EFR3A: variants seen among roughly 807,000 people sequenced by gnomAD.
EFR3A encodes protein EFR3 homolog A.
A neutral mutation model predicts 104.4 loss-of-function variants in EFR3A; 76 were observed. That is an observed-to-expected ratio of 0.73 (90% confidence interval 0.60 to 0.88). The LOEUF is 0.88. Ranked by LOEUF, EFR3A falls within the 40% of genes least tolerant of loss-of-function variation. The pLI is 0.00. For missense variants in EFR3A, 985 were observed against 1,012.5 expected (o/e 0.97, Z 0.37); for synonymous variants, 330 against 330.0 (o/e 1.00, Z 0.00).
At position 131,965,471 on chromosome 8, in the gene EFR3A, C is replaced by T. The variant is rs1563671591; in HGVS notation, c.856-2824C>T. 2.6e-5 allele frequency among the ~76,000 whole-genome samples: 4 copies of T among 152,330 alleles called. No individual in the cohort carries two copies. In the Middle Eastern group the frequency reaches 0.01, roughly 389 times the overall value. ...AGACACATGAGATAATGCTCATCAT[C>T]ACTGGCCATCAGATAAATGCAAATC... On this transcript the variant is annotated intron_variant, in intron 8 of 22. Transcript: ENST00000254624.
At chr8:131,905,249 C>G (rs1816192765) in intron 1 of EFR3A, among the ~76,000 whole-genome samples, 1 of 152,208 alleles carries the variant, frequency 6.6e-6, no homozygotes, top group Non-Finnish European at 1.5e-5. Context: ...AATCTTTACA[C>G]ACTTGTGAAT....
chr8:131,930,271 C>T (rs1391595567), intron 1 of EFR3A, among the ~76,000 whole-genome samples: 1 of 152,014 alleles, frequency 6.6e-6, no homozygotes, highest in Admixed American at 6.6e-5. Context: ...CTACTAGGTT[C>T]CTTTTTTCCA....
chr8:131,999,567 A>T (rs78082358), intron 19 of EFR3A, among the ~76,000 whole-genome samples: 5,483 of 137,124 alleles, frequency 0.04, 192 homozygotes, highest in African/African-American at 0.1. Context: ...CTCCAACATA[A>T]CCAGTTTTCC....
chr8:132,004,234 T>A (rs1165032601), intron 22 of EFR3A, among the ~76,000 whole-genome samples: 1 of 152,214 alleles, frequency 6.6e-6, no homozygotes, highest in Non-Finnish European at 1.5e-5. Flanking sequence ...ATATTCAATA[T>A]GTGCTAGACA....
intron 22 of EFR3A, among the ~76,000 whole-genome samples, chr8:132,006,930 A>C (rs1822082580): frequency 6.6e-6 from 1 of 151,956 alleles, no homozygotes; most frequent in Admixed American, 6.6e-5. Context: ...CACCAGTAGG[A>C]AAAAAAGCAT....
rs200821953 is a variant in EFR3A at position 132,010,405 on chromosome 8, G to GATATATATATATAT, written c.2361-384_2361-383insTATATATATATATA. On this transcript the variant is annotated intron_variant, in intron 22 of 22. Coordinates refer to ENST00000254624, the MANE Select transcript of EFR3A (RefSeq NM_015137.6). ...TTGTTCTCTGGATTAAATCAAGTAT[G>GATATATATATATAT]AGATATATATATATATATATATATA... 8.5e-4 allele frequency among the ~76,000 whole-genome samples: 75 copies of GATATATATATATAT among 87,976 alleles called. 3 individuals carry two copies. The highest frequency in any genetic ancestry group is 6.8e-3 in the Middle Eastern group (1 of 148). The allele number at this position is 87,976 out of a possible 152,430, so 57.7% of individuals were successfully genotyped here. A position where few individuals can be genotyped will look rare whatever the true frequency, so the allele number is the denominator to read the frequency against.
intron 15 of EFR3A, 29 bp from the exon 16 acceptor site, chr8:131,984,900 C>T (rs1343154837): frequency 2.5e-6 from 4 of 1,586,910 alleles, no homozygotes; most frequent in Non-Finnish European, 3.4e-6. Flanking sequence ...AGAACTTGAT[C>T]TCTCTGATGT....
chr8:131,929,105 A>G (rs763647001), intron 1 of EFR3A, among the ~76,000 whole-genome samples: 9 of 152,126 alleles, frequency 5.9e-5, no homozygotes, highest in Non-Finnish European at 1.2e-4. Flanking sequence ...CTGCTACAGG[A>G]TATCCCACCT....
rs1024403166 is a variant in EFR3A at position 131,979,071 on chromosome 8, A to G, written c.1499+52A>G. Reference sequence around the variant, plus strand: ...AATGATAATGTTTTTAAATTGCTAAATTAGTGTATTTAAGTATTGTGATTT... The same window carrying G: ...AATGATAATGTTTTTAAATTGCTAAGTTAGTGTATTTAAGTATTGTGATTT... On this transcript the variant is annotated intron_variant, in intron 13 of 22. Transcript: ENST00000254624. The G allele has an allele frequency of 8.0e-6, 12 of 1,501,662 alleles. No individual in the cohort carries two copies. The African/African-American group carries it at 1.7e-4, about 21-fold the overall frequency. The allele number at this position is 1,501,662 out of a possible 1,614,324, so 93.0% of individuals were successfully genotyped here. A position where few individuals can be genotyped will look rare whatever the true frequency, so the allele number is the denominator to read the frequency against.
intron 1 of EFR3A, among the ~76,000 whole-genome samples, chr8:131,927,557 C>T (rs938812079): frequency 3.3e-5 from 5 of 149,304 alleles, no homozygotes; most frequent in African/African-American, 1.2e-4. Flanking sequence ...TGATTTTAGA[C>T]ACGGAAGTGA....
Position 131,987,660 on chromosome 8 carries a change from A to G in EFR3A, c.2023A>G (p.Ser675Gly), listed in dbSNP as rs138240878. The G allele has an allele frequency of 1.5e-4, 237 of 1,596,990 alleles. No individual in the cohort carries two copies. In the African/African-American group the frequency reaches 3.0e-3, roughly 20 times the overall value. ...AGAGTCGCTAGGTGGAAGTGGATAT[A>G]GTGTTGAGAGATTGTCAGTTCCGTA... ...IAESLGGSGY[S>G]VERLSVPYVP... Residue 675 changes from serine (S) to glycine (G), a missense_variant, in exon 18 of 23, where the codon AGT (serine) becomes GGT (glycine). Physicochemically the swap from Ser to Gly is moderately conservative, Grantham distance 56. Coordinates refer to ENST00000254624, the MANE Select transcript of EFR3A (RefSeq NM_015137.6).
At chr8:131,963,448 C>T (rs963903883) in intron 8 of EFR3A, among the ~76,000 whole-genome samples, 1 of 152,096 alleles carries the variant, frequency 6.6e-6, no homozygotes, top group Non-Finnish European at 1.5e-5. Flanking sequence ...AACACCTCTA[C>T]ACAAATAAAC....
intron 10 of EFR3A, among the ~76,000 whole-genome samples, chr8:131,975,381 C>T (rs1820273039): frequency 6.6e-6 from 1 of 150,932 alleles, no homozygotes; most frequent in South Asian, 2.1e-4. Context: ...AGAAATACTA[C>T]CAAAATATTT....
chr8:131,942,652 A>G (rs1586575726), intron 2 of EFR3A, among the ~76,000 whole-genome samples: 1 of 152,272 alleles, frequency 6.6e-6, no homozygotes, highest in African/African-American at 2.4e-5. Flanking sequence ...TAATGAATGA[A>G]AAGATAATCT....
intron 2 of EFR3A, among the ~76,000 whole-genome samples, chr8:131,940,988 TA>T (rs534837945): frequency 1.4e-4 from 21 of 149,266 alleles, no homozygotes; most frequent in South Asian, 2.1e-4. Context: ...CAGTTTCTTG[TA>T]AAAAAAAAAT....
chr8:132,003,940 T>G (rs1821911469), intron 22 of EFR3A, among the ~76,000 whole-genome samples: 1 of 152,194 alleles, frequency 6.6e-6, no homozygotes, highest in Non-Finnish European at 1.5e-5. Flanking sequence ...AGTAGAGATG[T>G]CTATGCTTCT....
At chr8:131,934,664 G>T (rs1358045136) in intron 1 of EFR3A, among the ~76,000 whole-genome samples, 1 of 151,838 alleles carries the variant, frequency 6.6e-6, no homozygotes, top group Non-Finnish European at 1.5e-5. Flanking sequence ...TAAAAATACA[G>T]AATTATATAT....
At chr8:131,979,449 T>G in intron 14 of EFR3A, 28 bp downstream of exon 14, 1 of 1,436,502 alleles carries the variant, frequency 7.0e-7, no homozygotes, top group African/African-American at 1.4e-5. Context: ...AAAATAAATG[T>G]GTAGTGTAAA....
In EFR3A at chr8:131,930,771, C is replaced by T. The variant is rs546976303; in HGVS notation, c.11-9728C>T. ...CAGTGATAGGTCTTTATCACATCAG[C>T]ATCTCCTGTGAAGTCTTTTCTGAAT... is the stretch of plus-strand genomic sequence containing the variant. On this transcript the variant is annotated intron_variant, in intron 1 of 22. Coordinates refer to ENST00000254624, the MANE Select transcript of EFR3A (RefSeq NM_015137.6). Among the ~76,000 whole-genome samples the T allele has an allele frequency of 4.6e-5, 7 of 152,190 alleles. No homozygotes were observed. In the South Asian group the frequency reaches 1.2e-3, roughly 27 times the overall value.
Sources: gnomAD v4.1 joint callset for allele counts (sites outside exome capture counted in the v4.1 genomes callset) on GRCh38, gnomAD v4.1.1 for gene constraint, MANE v1.5 for transcripts, NCBI Gene and HGNC (gene_info 2026-07-23, HGNC 2026-07-21) for gene names.